The following SUGCT variants were observed in gnomAD, a reference collection of about 807,000 sequenced individuals.
SUGCT encodes the protein succinyl-CoA:glutarate-CoA transferase, also known as succinyl-CoA:glutarate CoA-transferase.
SUGCT carries 41 observed loss-of-function variants against 55.0 expected under a neutral mutation model. The ratio of observed to expected loss-of-function variants is 0.74; its 90% CI spans 0.58 to 0.97. SUGCT has a LOEUF of 0.97. Among genes scored for constraint, SUGCT ranks in the 50% least tolerant of loss-of-function variants. The pLI is 0.00. For missense variants in SUGCT, 568 were observed against 547.8 expected, an observed-to-expected ratio of 1.04 and a Z score of -0.37; for synonymous variants, 187 against 200.4, an observed-to-expected ratio of 0.93 and a Z score of 0.56.
intron 5 of SUGCT, 32 bp downstream of exon 5, chr7:40,189,626 A>T (rs1230310329): frequency 7.8e-7 from 1 of 1,277,168 alleles, no homozygotes. Context: ...GCATCCTACC[A>T]CCTAGGTTAT....
At chr7:40,825,430 T>C (rs1792263847) in intron 13 of SUGCT, among the ~76,000 whole-genome samples, 1 of 152,236 alleles carries the variant, frequency 6.6e-6, no homozygotes, top group African/African-American at 2.4e-5. Flanking sequence ...TGTGTCTCTC[T>C]GTGGCTTAAA....
At chr7:40,772,500 ATCTATCTATC>A (rs1789162466) in intron 13 of SUGCT, among the ~76,000 whole-genome samples, 1 of 38,206 alleles carries the variant, frequency 2.6e-5, no homozygotes, top group Non-Finnish European at 6.2e-5. Flanking sequence ...TGAAATATCT[ATCTATCTATC>A]TATCTATCTA....
intron 12 of SUGCT, among the ~76,000 whole-genome samples, chr7:40,545,188 A>G (rs1236925071): frequency 1.3e-5 from 2 of 152,226 alleles, no homozygotes; most frequent in Non-Finnish European, 2.9e-5. Context: ...TTTAGAAATG[A>G]TAGCTCAGCT....
At chr7:40,146,940 A>C (rs534510011) in intron 1 of SUGCT, among the ~76,000 whole-genome samples, 1 of 150,202 alleles carries the variant, frequency 6.7e-6, no homozygotes, top group African/African-American at 2.4e-5. Flanking sequence ...TACTACTTCT[A>C]TCTCTCTCCT....
In SUGCT at chr7:40,749,503, A is replaced by C. The variant is rs1392322105; in HGVS notation, c.1153+6A>C. The C allele has an allele frequency of 1.2e-6, 2 of 1,612,282 alleles. No individual in the cohort carries two copies. Among genetic ancestry groups the C allele is most frequent in the African/African-American group, 2.7e-5 (2 of 74,868 alleles). On this transcript the variant is annotated splice_donor_region_variant and intron_variant, in intron 13 of 13. Coordinates refer to ENST00000335693, the MANE Select transcript of SUGCT (RefSeq NM_001193313.2). ...GGGGAAGATTTCCGTCCCAGGTCTGAAAAGTTTTGGTATTTTCTCTAGCAC... is the reference window on the plus strand; with the variant it reads ...GGGGAAGATTTCCGTCCCAGGTCTGCAAAGTTTTGGTATTTTCTCTAGCAC...
chr7:40,742,877 G>C (rs1787538506), intron 12 of SUGCT, among the ~76,000 whole-genome samples: 1 of 152,096 alleles, frequency 6.6e-6, no homozygotes, highest in Non-Finnish European at 1.5e-5. Context: ...TTATGCTAAA[G>C]GAATGACTAA....
intron 12 of SUGCT, among the ~76,000 whole-genome samples, chr7:40,611,659 C>T (rs560502310): frequency 9.0e-4 from 137 of 152,276 alleles, no homozygotes; most frequent in African/African-American, 3.1e-3. Flanking sequence ...ATAGCTAACT[C>T]TTTTTGGGTA....
intron 7 of SUGCT, among the ~76,000 whole-genome samples, chr7:40,270,205 C>G (rs1179156925): frequency 6.7e-6 from 1 of 149,614 alleles, no homozygotes; most frequent in Non-Finnish European, 1.5e-5. Flanking sequence ...TAAACTTTCT[C>G]TTATTCTTTG....
chr7:40,909,147 CA>C, the SUGCT span, among the ~76,000 whole-genome samples: 1 of 152,082 alleles, frequency 6.6e-6, no homozygotes, highest in African/African-American at 2.4e-5. Context: ...AGTGGAGACC[CA>C]ATCTGTTGTG....
At chr7:40,425,996 G>C (rs1225956184) in intron 9 of SUGCT, among the ~76,000 whole-genome samples, 2 of 152,102 alleles carry the variant, frequency 1.3e-5, no homozygotes, top group Non-Finnish European at 2.9e-5. Context: ...CAAAGTAATT[G>C]ATAAAATGAA....
chr7:40,387,817 C>T (rs1785202933), intron 9 of SUGCT: 1 of 152,202 alleles, frequency 6.6e-6, no homozygotes, highest in Admixed American at 6.5e-5. Context: ...AGGCACTATG[C>T]TAAGTACTTT....
chr7:40,769,943 C>T (rs1789007022), intron 13 of SUGCT, among the ~76,000 whole-genome samples: 1 of 152,108 alleles, frequency 6.6e-6, no homozygotes, highest in South Asian at 2.1e-4. Flanking sequence ...TTGGATTGAG[C>T]CTGTATATTA....
intron 12 of SUGCT, among the ~76,000 whole-genome samples, chr7:40,733,705 A>G (rs1787015874): frequency 6.6e-6 from 1 of 152,158 alleles, no homozygotes; most frequent in South Asian, 2.1e-4. Flanking sequence ...CTGTGTGGTT[A>G]TGGTTCTCTA....
intron 12 of SUGCT, among the ~76,000 whole-genome samples, chr7:40,660,858 T>C (rs1379045837): frequency 6.6e-6 from 1 of 152,170 alleles, no homozygotes; most frequent in Non-Finnish European, 1.5e-5. Flanking sequence ...ACCATTCTCC[T>C]TGTGCCCTCA....
chr7:40,375,068 T>A (rs1430168743), intron 9 of SUGCT, among the ~76,000 whole-genome samples: 2 of 152,134 alleles, frequency 1.3e-5, no homozygotes, highest in Non-Finnish European at 2.9e-5. Context: ...CCATAAATGA[T>A]ATAGGTCCAA....
chr7:40,209,460 C>T (rs1171902875), intron 6 of SUGCT, among the ~76,000 whole-genome samples: 1 of 152,074 alleles, frequency 6.6e-6, no homozygotes, highest in Non-Finnish European at 1.5e-5. Flanking sequence ...CTCGTCATTG[C>T]ACTCCAGCCT....
rs142108240 is a variant in SUGCT at position 40,154,349 on chromosome 7, T to G, written c.100+19229T>G. ...GTAATGTAATGGGATTGAAAAAGTC[T>G]TATGAGAAAGCAGAGCTTTTCCTTG... On this transcript the variant is annotated intron_variant, in intron 1 of 13. Coordinates refer to ENST00000335693, the MANE Select transcript of SUGCT (RefSeq NM_001193313.2). Among the ~76,000 whole-genome samples, 1,104 of 152,272 alleles carry G rather than the reference T, an allele frequency of 7.3e-3. 40 individuals are homozygous for G. The highest frequency in any genetic ancestry group is 0.06 in the Admixed American group (916 of 15,284).
At chr7:40,902,424 A>C in the SUGCT span, among the ~76,000 whole-genome samples, 2 of 151,840 alleles carry the variant, frequency 1.3e-5, no homozygotes, top group Non-Finnish European at 2.9e-5. Context: ...CTGAAAATAC[A>C]AAAAAATTAA....
At chr7:41,030,083 CT>C in the SUGCT span, among the ~76,000 whole-genome samples, 23 of 152,274 alleles carry the variant, frequency 1.5e-4, no homozygotes, top group African/African-American at 5.5e-4. Context: ...TTTTCATGGC[CT>C]GATAACTCAC....
Sources: gnomAD v4.1 joint callset for allele counts (sites outside exome capture counted in the v4.1 genomes callset) on GRCh38, gnomAD v4.1.1 for gene constraint, MANE v1.5 for transcripts, NCBI Gene and HGNC (gene_info 2026-07-23, HGNC 2026-07-21) for gene names.